TBC1D5: variants seen among roughly 807,000 people sequenced by gnomAD.
TBC1D5 encodes TBC1 domain family, member 5.
TBC1D5 carries 75 observed loss-of-function variants against 100.3 expected under a neutral mutation model. The ratio of observed to expected loss-of-function variants is 0.75; its 90% CI spans 0.62 to 0.91. The LOEUF (loss-of-function observed/expected upper bound fraction) is 0.91, where lower values mean the gene tolerates loss of function less well. Among genes scored for constraint, TBC1D5 ranks in the 40% least tolerant of loss-of-function variants. The probability of loss-of-function intolerance (pLI) is 0.00; values close to 1 mark genes in which losing one functional copy is unlikely to be tolerated. For synonymous variants in TBC1D5, 323 were observed against 325.6 expected, an observed-to-expected ratio of 0.99 and a Z score of 0.09; for missense variants, 910 against 942.4, an observed-to-expected ratio of 0.97 and a Z score of 0.45.
chr3:17,353,716 A>AT (rs146836363), intron 13 of TBC1D5, among the ~76,000 whole-genome samples: 3,299 of 152,182 alleles, frequency 0.022, 103 homozygotes, highest in Non-Finnish European at 0.024. Context: ...CTGCTTAATA[A>AT]TTTCTAATCA....
At chr3:17,297,892 CA>C (rs2082424750) in intron 14 of TBC1D5, among the ~76,000 whole-genome samples, 1 of 151,914 alleles carries the variant, frequency 6.6e-6, no homozygotes, top group East Asian at 1.9e-4. Context: ...TACACCTCGC[CA>C]AAACAAAGTC....
chr3:17,279,169 C>T (rs1484802439), intron 15 of TBC1D5, among the ~76,000 whole-genome samples: 1 of 152,192 alleles, frequency 6.6e-6, no homozygotes, highest in Non-Finnish European at 1.5e-5. Context: ...TTGAAGCACA[C>T]ATTTTTTTAC....
intron 13 of TBC1D5, among the ~76,000 whole-genome samples, chr3:17,348,032 A>G (rs1396609117): frequency 1.3e-5 from 2 of 152,116 alleles, no homozygotes; most frequent in African/African-American, 2.4e-5. Context: ...CATTAGATGG[A>G]GCCCCCCCAC....
intron 1 of TBC1D5, among the ~76,000 whole-genome samples, chr3:17,626,993 T>A (rs1310499488): frequency 6.6e-6 from 1 of 152,180 alleles, no homozygotes; most frequent in Non-Finnish European, 1.5e-5. Flanking sequence ...TTAGGAAGAT[T>A]AATCTGATGG....
chr3:17,434,862 T>C (rs575463617), intron 3 of TBC1D5, among the ~76,000 whole-genome samples: 35 of 152,216 alleles, frequency 2.3e-4, no homozygotes, highest in Non-Finnish European at 4.1e-4. Context: ...TCCAAACTTT[T>C]ATACTCTGCT....
chr3:17,513,898 AAG>A (rs1418418334), intron 2 of TBC1D5, among the ~76,000 whole-genome samples: 3 of 152,212 alleles, frequency 2.0e-5, no homozygotes, highest in South Asian at 2.1e-4. Flanking sequence ...TTTCACAATT[AAG>A]AGATAGCGCA....
rs533839227 is a variant in TBC1D5, at chr3:17,263,729, G to C, written c.1246-5138C>G. ...GACTTACAGAAGCAGAACTGACAGT[G>C]GTAGATGCAAGTTTTCTAGAAGAAA... is the stretch of plus-strand genomic sequence containing the variant. On this transcript the variant is annotated intron_variant, in intron 15 of 21. Coordinates refer to ENST00000253692, the Ensembl canonical transcript of TBC1D5. Among the ~76,000 whole-genome samples, 3 of 152,264 alleles carry C rather than the reference G, an allele frequency of 2.0e-5. No individual in the cohort carries two copies. The South Asian group carries it at 6.2e-4, about 32-fold the overall frequency.
At chr3:17,278,438 CTATTTTGTA>C (rs2080246191) in intron 15 of TBC1D5, among the ~76,000 whole-genome samples, 1 of 152,060 alleles carries the variant, frequency 6.6e-6, no homozygotes, top group African/African-American at 2.4e-5. Context: ...TTGTACTAAC[CTATTTTGTA>C]TATTAGAAAA....
Position 17,602,561 on chromosome 3 carries a change from ATTTTTTTTTTTTTT to A in TBC1D5, c.-36+21274_-36+21287del, listed in dbSNP as rs33956978. On this transcript the variant is annotated intron_variant, in intron 2 of 21. Coordinates refer to ENST00000253692, the Ensembl canonical transcript of TBC1D5. Reference sequence around the variant, plus strand: ...TTATGCCATAATACGAGAGAATCAGATTTTTTTTTTTTTTTTTTTTTTTTTTTTTGAGACGGAGT... The same window carrying A: ...TTATGCCATAATACGAGAGAATCAGATTTTTTTTTTTTTTTGAGACGGAGT... 2.0e-4 allele frequency among the ~76,000 whole-genome samples: 15 copies of A among 74,516 alleles called. No individual in the cohort carries two copies. In the East Asian group the frequency reaches 6.0e-3, roughly 30 times the overall value. The allele number at this position is 74,516 out of a possible 152,430, so 48.9% of individuals were successfully genotyped here.
chr3:17,189,831 T>C (rs975344667), intron 18 of TBC1D5, among the ~76,000 whole-genome samples: 1 of 152,262 alleles, frequency 6.6e-6, no homozygotes, highest in African/African-American at 2.4e-5. Context: ...CCAGCTGTAA[T>C]GCTGAGCCCT....
At chr3:17,509,859 G>C (rs1352668397) in intron 2 of TBC1D5, among the ~76,000 whole-genome samples, 1 of 151,848 alleles carries the variant, frequency 6.6e-6, no homozygotes, top group Non-Finnish European at 1.5e-5. Flanking sequence ...CGTTTTGAAA[G>C]TTTTCCCTCT....
At chr3:17,577,772 C>G (rs2096666654) in intron 2 of TBC1D5, among the ~76,000 whole-genome samples, 1 of 151,716 alleles carries the variant, frequency 6.6e-6, no homozygotes, top group Non-Finnish European at 1.5e-5. Context: ...GACCATAAAC[C>G]CTGAATGTTC....
intron 18 of TBC1D5, among the ~76,000 whole-genome samples, chr3:17,211,803 G>A (rs1483684497): frequency 3.3e-5 from 5 of 152,094 alleles, no homozygotes; most frequent in Non-Finnish European, 5.9e-5. Flanking sequence ...TGGAATTTTA[G>A]GAGGGAACAG....
At chr3:17,426,870 T>C (rs2094347284) in intron 4 of TBC1D5, among the ~76,000 whole-genome samples, 1 of 152,028 alleles carries the variant, frequency 6.6e-6, no homozygotes, top group Non-Finnish European at 1.5e-5. Flanking sequence ...GGATTTTCCT[T>C]CCTTTGAAAT....
chr3:17,619,761 A>G (rs1374274752), intron 2 of TBC1D5, among the ~76,000 whole-genome samples: 1 of 152,238 alleles, frequency 6.6e-6, no homozygotes, highest in Non-Finnish European at 1.5e-5. Context: ...AATACATGAG[A>G]AGCAACATCA....
At chr3:17,696,730 G>A (rs933331847) in intron 1 of TBC1D5, among the ~76,000 whole-genome samples, 12 of 152,146 alleles carry the variant, frequency 7.9e-5, no homozygotes, top group Admixed American at 6.5e-5. Flanking sequence ...TAGACAAAGA[G>A]GAAATCCTCC....
rs531702558 is a variant in TBC1D5 at position 17,272,137 on chromosome 3, T to C, written c.1246-13546A>G. Reference sequence around the variant, plus strand: ...AGTGAAGAAAGAATGAACTTATTGCTGTTGCGATTCTTAGAGATCTCATCA... The same window carrying C: ...AGTGAAGAAAGAATGAACTTATTGCCGTTGCGATTCTTAGAGATCTCATCA... On this transcript the variant is annotated intron_variant, in intron 15 of 21. Transcript: ENST00000253692. Among the ~76,000 whole-genome samples the C allele has an allele frequency of 7.9e-5, 12 of 152,322 alleles. No individual in the cohort carries two copies. The East Asian group carries it at 2.3e-3, about 29-fold the overall frequency.
chr3:17,302,108 A>C (rs953353526), intron 14 of TBC1D5, among the ~76,000 whole-genome samples: 3 of 152,168 alleles, frequency 2.0e-5, no homozygotes, highest in African/African-American at 4.8e-5. Flanking sequence ...GTAGGGGAGA[A>C]TCCTCCTTGC....
intron 3 of TBC1D5, among the ~76,000 whole-genome samples, chr3:17,479,811 G>C (rs1186667768): frequency 3.9e-5 from 6 of 152,218 alleles, no homozygotes; most frequent in Admixed American, 2.6e-4. Context: ...TGGGTGCAGT[G>C]GGGGAGGCGC....
Sources: allele counts gnomAD v4.1 joint callset (sites outside exome capture counted in the v4.1 genomes callset), GRCh38; gene constraint gnomAD v4.1.1; transcripts MANE v1.5; gene names NCBI Gene and HGNC (gene_info 2026-07-23, HGNC 2026-07-21).